Variants in CELF2 observed in about 807,000 individuals in gnomAD.
CELF2 encodes the protein CUGBP Elav-like family member 2.
A neutral mutation model predicts 62.6 loss-of-function variants in CELF2; 8 were observed. That is an observed-to-expected ratio of 0.13 (90% CI 0.07 to 0.23). CELF2 has a LOEUF of 0.23. Among genes scored for constraint, CELF2 ranks in the 10% least tolerant of loss-of-function variants. The pLI, the probability that CELF2 is intolerant of heterozygous loss-of-function variation, is 1.00. For synonymous variants in CELF2, 258 were observed against 250.0 expected, an observed-to-expected ratio of 1.03 and a Z score of -0.30; for missense variants, 333 against 671.0, an observed-to-expected ratio of 0.50 and a Z score of 5.56.
chr10:10,581,188 A>C, the CELF2 span, among the ~76,000 whole-genome samples: 16 of 152,326 alleles, frequency 1.1e-4, no homozygotes, highest in Non-Finnish European at 1.9e-4. Flanking sequence ...AGTATTCACA[A>C]CTGAACAAAA....
intron 1 of CELF2, among the ~76,000 whole-genome samples, chr10:11,066,500 C>T (rs1415539095): frequency 1.3e-5 from 2 of 152,072 alleles, no homozygotes; most frequent in Non-Finnish European, 2.9e-5. Context: ...GTCAGTATTC[C>T]AGCTGAGGCA....
chr10:10,622,522 G>C, the CELF2 span, among the ~76,000 whole-genome samples: 1 of 151,992 alleles, frequency 6.6e-6, no homozygotes, highest in African/African-American at 2.4e-5. Context: ...AGGAGCTGTG[G>C]TGTGCACCCA....
chr10:10,740,762 A>T, the CELF2 span, among the ~76,000 whole-genome samples: 1 of 152,248 alleles, frequency 6.6e-6, no homozygotes, highest in Non-Finnish European at 1.5e-5. Flanking sequence ...CTTTAAAAAG[A>T]GATACTGCCA....
the CELF2 span, among the ~76,000 whole-genome samples, chr10:10,650,899 T>C: frequency 1.3e-5 from 2 of 152,144 alleles, no homozygotes; most frequent in Non-Finnish European, 2.9e-5. Flanking sequence ...AGCTCCGGTC[T>C]ACAGCTCCCA....
chr10:10,855,884 C>T (rs915975796), intron 1 of CELF2, among the ~76,000 whole-genome samples: 1 of 152,062 alleles, frequency 6.6e-6, no homozygotes, highest in Non-Finnish European at 1.5e-5. Context: ...TATTCGCTAT[C>T]TACTATGTGT....
intron 1 of CELF2, among the ~76,000 whole-genome samples, chr10:10,860,527 A>T (rs2059990653): frequency 6.6e-6 from 1 of 152,204 alleles, no homozygotes; most frequent in African/African-American, 2.4e-5. Flanking sequence ...ATTTCATTTC[A>T]TTTTTTCCCA....
In CELF2 at chr10:11,333,887, G is replaced by C. The variant is rs1566064074; in HGVS notation, c.*4834G>C. 2 of 151,456 alleles carry C rather than the reference G, an allele frequency of 1.3e-5. No individual in the cohort carries two copies. Among genetic ancestry groups the C allele is most frequent in the Admixed American group, 1.3e-4 (2 of 15,252 alleles). 9.4% of individuals were successfully genotyped at this position (151,456 alleles called of 1,614,324 possible). ...TACCAGTGGAACTTTTTATACTGGA[G>C]ATTAAAAAAAAAATGGAAATTTTTG... On this transcript the variant is annotated 3_prime_UTR_variant, in exon 13 of 13. Transcript: ENST00000633077.
At chr10:11,288,725 G>A (rs375557783) in intron 9 of CELF2, among the ~76,000 whole-genome samples, 173 bp downstream of exon 9, 45 of 152,168 alleles carry the variant, frequency 3.0e-4, no homozygotes, top group African/African-American at 1.1e-3. Flanking sequence ...GTCAAAGTTC[G>A]AATTTGTCTT....
the CELF2 span, among the ~76,000 whole-genome samples, chr10:10,689,708 A>C: frequency 6.6e-6 from 1 of 152,220 alleles, no homozygotes; most frequent in Non-Finnish European, 1.5e-5. Flanking sequence ...TGGATTAGCA[A>C]ATAACCGAGA....
chr10:10,511,601 C>G, the CELF2 span, among the ~76,000 whole-genome samples: 1 of 152,084 alleles, frequency 6.6e-6, no homozygotes, highest in Non-Finnish European at 1.5e-5. Context: ...GAGCTTTTGT[C>G]TTGAAGGCAG....
chr10:11,308,755 A>AT (rs1366783522), intron 9 of CELF2, among the ~76,000 whole-genome samples: 1 of 152,178 alleles, frequency 6.6e-6, no homozygotes, highest in Non-Finnish European at 1.5e-5. Flanking sequence ...GTCTAGGCTA[A>AT]TTTTTATTTC....
At chr10:11,001,738 C>T (rs552870184), upstream of CELF2, among the ~76,000 whole-genome samples, 16 of 151,956 alleles carry the variant, frequency 1.1e-4, no homozygotes, top group South Asian at 2.1e-4. Context: ...AGAGGGCATC[C>T]GAACAATCTA....
At chr10:11,020,181 A>G (rs910329573) in intron 1 of CELF2, among the ~76,000 whole-genome samples, 2 of 152,132 alleles carry the variant, frequency 1.3e-5, no homozygotes, top group African/African-American at 4.8e-5. Flanking sequence ...CTTCCACCTC[A>G]CTTCTCTTCC....
In CELF2 at chr10:11,242,645, CTCATTT is replaced by C. The variant is rs1264282150; in HGVS notation, c.355-6497_355-6492del. Among the ~76,000 whole-genome samples the C allele has an allele frequency of 7.2e-5, 11 of 152,316 alleles. No individual in the cohort carries two copies. The highest frequency in any genetic ancestry group is 2.6e-4 in the African/African-American group (11 of 41,554). On this transcript the variant is annotated intron_variant, in intron 3 of 12. Coordinates refer to ENST00000633077, the MANE Select transcript of CELF2 (RefSeq NM_001326342.2). This position sits in a 1 kb window ranked among gnomAD's most constrained non-coding sequence, Gnocchi z 4.8. ...AATGGCTTTGCTCCAAAGTCGTACT[CTCATTT>C]TCATTTTCATGAGTCACAGCTGGGG...
intron 1 of CELF2, among the ~76,000 whole-genome samples, chr10:11,113,318 A>G (rs1269753146): frequency 6.6e-6 from 1 of 152,206 alleles, no homozygotes; most frequent in Admixed American, 6.5e-5. Context: ...GGATAGCATC[A>G]TCAGCATCAT....
chr10:11,217,459 T>A lies in CELF2; in HGVS notation c.306T>A (p.Ala102=), dbSNP rs762138476. 6.2e-7 allele frequency: 1 copy of A among 1,613,442 alleles called. No homozygotes were observed. Among genetic ancestry groups the A allele is most frequent in the Admixed American group, 1.7e-5 (1 of 59,968 alleles). ...CCFVTFYTRK[A]ALEAQNALHN... Reference sequence around the variant, plus strand: ...TCGTAACATTTTATACAAGAAAAGCTGCACTTGAGGCCCAGAATGCACTGC... The same window carrying A: ...TCGTAACATTTTATACAAGAAAAGCAGCACTTGAGGCCCAGAATGCACTGC... The change falls in exon 3 of 13, where the codon GCT becomes GCA. Residue 102 remains alanine, a synonymous_variant. Coordinates refer to ENST00000633077, the MANE Select transcript of CELF2 (RefSeq NM_001326342.2). The surrounding 1 kb of genome is among the most constrained non-coding windows in gnomAD (Gnocchi z 5.6).
upstream of CELF2, among the ~76,000 whole-genome samples, chr10:11,017,712 T>C (rs1033050710): frequency 1.6e-4 from 25 of 152,060 alleles, no homozygotes; most frequent in African/African-American, 5.8e-4. The surrounding 1 kb of genome is among the most constrained non-coding windows in gnomAD (Gnocchi z 5.5). Flanking sequence ...CGGGTTTGCC[T>C]TCGGGGGCCC....
intron 7 of CELF2, 70 bp from the exon 8 acceptor site, chr10:11,274,987 G>A: frequency 7.0e-7 from 1 of 1,418,830 alleles, no homozygotes; most frequent in South Asian, 1.1e-5. Context: ...AACTGAATTT[G>A]TCCCCAGTTT....
chr10:11,084,987 G>T (rs575671743), intron 1 of CELF2, among the ~76,000 whole-genome samples: 1 of 152,252 alleles, frequency 6.6e-6, no homozygotes, highest in Non-Finnish European at 1.5e-5. Flanking sequence ...ATTTTTCAAA[G>T]GCTTTGGTTT....
Sources: gnomAD v4.1 joint callset for allele counts (sites outside exome capture counted in the v4.1 genomes callset) on GRCh38, gnomAD v4.1.1 for gene constraint, Gnocchi (gnomAD v3.1) non-coding constraint, MANE v1.5 for transcripts, NCBI Gene and HGNC (gene_info 2026-07-23, HGNC 2026-07-21) for gene names.